Variants in FRYL observed in about 807,000 individuals in gnomAD.
FRYL encodes FRY like transcription coactivator, also known as protein furry homolog-like.
Under a neutral mutation model 351.2 loss-of-function variants are expected in FRYL, and 150 were observed. That is an observed-to-expected ratio of 0.43 (90% CI 0.37 to 0.49). FRYL has a LOEUF of 0.49. FRYL is among the 20% of genes least tolerant of loss of function. The pLI, the probability that FRYL is intolerant of heterozygous loss-of-function variation, is 0.00. For synonymous variants in FRYL, 1,153 were observed against 1,257.1 expected (o/e 0.92, Z 1.75); for missense variants, 3,036 against 3,619.3 (o/e 0.84, Z 4.13).
chr4:48,708,351 C>A (rs1767619612), intron 2 of FRYL, among the ~76,000 whole-genome samples: 1 of 151,928 alleles, frequency 6.6e-6, no homozygotes, highest in Non-Finnish European at 1.5e-5. Flanking sequence ...CCTGTCATCC[C>A]AGCTACTCGG....
At chr4:48,562,219 A>C (rs1178305375) in intron 32 of FRYL, among the ~76,000 whole-genome samples, 1 of 151,944 alleles carries the variant, frequency 6.6e-6, no homozygotes, top group Non-Finnish European at 1.5e-5. Context: ...AAAAAAAAAA[A>C]CCCTTCAAGG....
chr4:48,728,143 A>G (rs1240459560), intron 1 of FRYL, among the ~76,000 whole-genome samples: 1 of 152,232 alleles, frequency 6.6e-6, no homozygotes, highest in Non-Finnish European at 1.5e-5. Context: ...TAGTTTGAAA[A>G]GACAGAGCAA....
intron 1 of FRYL, chr4:48,727,311 A>C (rs1385739839): frequency 6.6e-6 from 1 of 152,196 alleles, no homozygotes; most frequent in Non-Finnish European, 1.5e-5. Flanking sequence ...CAAATTGAAA[A>C]AACAACAACA....
chr4:48,701,375 A>T (rs2056197), intron 2 of FRYL, among the ~76,000 whole-genome samples: 148,444 of 152,312 alleles, frequency 0.97, 72,454 homozygotes, highest in East Asian at 1. Flanking sequence ...ATGAGAAGGC[A>T]ACACAATGTA....
At chr4:48,683,683 G>A (rs1231612992) in intron 3 of FRYL, among the ~76,000 whole-genome samples, 1 of 152,102 alleles carries the variant, frequency 6.6e-6, no homozygotes, top group Non-Finnish European at 1.5e-5. Flanking sequence ...TTGCCCTGAA[G>A]CAGGTATAGA....
At chr4:48,613,662 A>T (rs1022693432) in intron 7 of FRYL, among the ~76,000 whole-genome samples, 5 of 152,188 alleles carry the variant, frequency 3.3e-5, no homozygotes, top group African/African-American at 1.2e-4. Flanking sequence ...TGATATATGT[A>T]AATGCATTTG....
chr4:48,513,997 T>C (rs966308889), intron 56 of FRYL, among the ~76,000 whole-genome samples: 3 of 152,292 alleles, frequency 2.0e-5, no homozygotes, highest in Admixed American at 1.3e-4. Context: ...ATCAGTAATA[T>C]GAAAAAGGTG....
chr4:48,768,593 A>G (rs1317480014), intron 1 of FRYL, among the ~76,000 whole-genome samples: 1 of 152,114 alleles, frequency 6.6e-6, no homozygotes, highest in Non-Finnish European at 1.5e-5. Flanking sequence ...TAACAAGGTC[A>G]GGAGTTTGAG....
rs1222868252 is a variant in FRYL, at chr4:48,531,166, T to A, written c.6893A>T (p.Asp2298Val). 2 of 1,592,140 alleles carry A rather than the reference T, an allele frequency of 1.3e-6. No homozygotes were observed. Among genetic ancestry groups the A allele is most frequent in the East Asian group, 2.2e-5 (1 of 44,748 alleles). ...LPGKTLDFHF[D>V]ISETPIIGNK... The stretch of plus-strand genomic sequence containing the variant: ...TTCTGAGCATCTTACCTCAGATATA[T>A]CAAAATGAAAATCTAAGGTCTTCCC... Residue 2298 changes from aspartate (D) to valine (V), a missense_variant, in exon 50 of 64, where the codon GAT becomes GTT. Asp to Val is a radical substitution (Grantham distance 152, BLOSUM62 -3). Coordinates refer to ENST00000358350, the MANE Select transcript of FRYL (RefSeq NM_015030.2).
In FRYL at chr4:48,528,326, A is replaced by T; in HGVS notation, c.6914T>A (p.Ile2305Asn). 1 of 1,607,640 alleles carries T rather than the reference A, an allele frequency of 6.2e-7. No homozygotes were observed. The highest frequency in any genetic ancestry group is 8.5e-7 in the Non-Finnish European group (1 of 1,177,202). Residue 2305 changes from isoleucine (I) to asparagine (N), a missense_variant, in exon 51 of 64, where the codon ATT becomes AAT. Around this residue, in one of 7 missense-constraint regions of FRYL, gnomAD observed 1,987 missense variants for 2,311.7 expected, o/e 0.86. Transcript: ENST00000358350. ...FHFDISETPI[I>N]GNKYGDQHSA... Reference sequence around the variant, plus strand: ...GTGCTGATCACCATATTTGTTTCCAATAATTGGTGTCTACACAGAAACAAA... The same window carrying T: ...GTGCTGATCACCATATTTGTTTCCATTAATTGGTGTCTACACAGAAACAAA...
chr4:48,763,740 C>T (rs377188402), intron 1 of FRYL, among the ~76,000 whole-genome samples: 2 of 152,192 alleles, frequency 1.3e-5, no homozygotes, highest in African/African-American at 4.8e-5. Context: ...GAAAAGGGTA[C>T]CCACTCTTAC....
chr4:48,657,880 A>G (rs1759576765), intron 3 of FRYL, among the ~76,000 whole-genome samples: 1 of 152,252 alleles, frequency 6.6e-6, no homozygotes. Flanking sequence ...TGACCATAGA[A>G]GTTCTCTTGC....
chr4:48,519,748 TC>T (rs1724495597), intron 55 of FRYL, among the ~76,000 whole-genome samples: 1 of 151,746 alleles, frequency 6.6e-6, no homozygotes, highest in African/African-American at 2.4e-5. Context: ...CTTTTTTTTT[TC>T]TTTGGGACAG....
intron 1 of FRYL, among the ~76,000 whole-genome samples, chr4:48,769,016 A>G (rs1775253886): frequency 6.6e-6 from 1 of 152,062 alleles, no homozygotes; most frequent in Non-Finnish European, 1.5e-5. Context: ...GCAGGCCTGT[A>G]GTCTCAGCTA....
In FRYL at chr4:48,543,975, A is replaced by T. The variant is rs1167631855; in HGVS notation, c.5424T>A (p.His1808Gln). 1.1e-5 allele frequency: 18 copies of T among 1,613,578 alleles called. No individual in the cohort carries two copies. Among genetic ancestry groups the T allele is most frequent in the Non-Finnish European group, 1.5e-5 (18 of 1,179,736 alleles). The change falls in exon 44 of 64, where the codon CAT (histidine) becomes CAA (glutamine). Residue 1808 changes from histidine to glutamine, a missense_variant. Transcript: ENST00000358350. ...SSSEGIHLEHHLSEVALQTAL... is the reference protein window; with the variant it reads ...SSSEGIHLEHQLSEVALQTAL... The stretch of plus-strand genomic sequence containing the variant: ...CTGTTTGCAGAGCAACTTCACTAAG[A>T]TGATGTTCCAGATGAATTCCTTCTG...
At chr4:48,579,323 T>C in intron 22 of FRYL, 82 bp from the exon 23 acceptor site, 2 of 1,148,066 alleles carry the variant, frequency 1.7e-6, no homozygotes, top group South Asian at 1.5e-5. Context: ...AAACTGAAAG[T>C]GGTGTATTAG....
rs1052706631 is a variant in FRYL at position 48,605,796 on chromosome 4, T to A, written c.779A>T (p.Asp260Val). Residue 260 changes from aspartate (D) to valine (V), a missense_variant, in exon 11 of 64, where the codon GAT becomes GTT. By Grantham distance (152) the Asp-to-Val change is radical. Transcript: ENST00000358350. Reference sequence around the variant, plus strand: ...TAAACCAGCAAGTGCATGTTTTATATCTTTATCTTTCACTTCTAAGAAATA... The same window carrying A: ...TAAACCAGCAAGTGCATGTTTTATAACTTTATCTTTCACTTCTAAGAAATA... ...AQYFLEVKDK[D>V]IKHALAGLFV... 3.1e-6 allele frequency: 5 copies of A among 1,606,914 alleles called. No individual in the cohort carries two copies. The highest frequency in any genetic ancestry group is 2.7e-5 in the African/African-American group (2 of 74,730).
chr4:48,667,738 C>A (rs539709310), intron 3 of FRYL, among the ~76,000 whole-genome samples: 1 of 152,122 alleles, frequency 6.6e-6, no homozygotes, highest in Admixed American at 6.5e-5. Flanking sequence ...ACCTCCGCCT[C>A]CCAGGTTCAA....
At chr4:48,548,182 GCTATCTGGACTTGCTTCAGGAAGCCAATC>G (rs1225726548) in intron 40 of FRYL, among the ~76,000 whole-genome samples, 1 of 152,054 alleles carries the variant, frequency 6.6e-6, no homozygotes, top group Non-Finnish European at 1.5e-5. Context: ...TAAGGAGATG[GCTATCTGGACTTGCTTCAGGAAGCCAATC>G]CTATAAGCAT....
Sources: gnomAD v4.1 joint callset for allele counts (sites outside exome capture counted in the v4.1 genomes callset) on GRCh38, gnomAD v4.1.1 for gene constraint, gnomAD v4.1.1 regional missense constraint, MANE v1.5 for transcripts, NCBI Gene and HGNC (gene_info 2026-07-23, HGNC 2026-07-21) for gene names.